The following FAM184B variants were observed in gnomAD, a reference collection of about 807,000 sequenced individuals.
The protein encoded by FAM184B is protein FAM184B.
In FAM184B, 111 loss-of-function variants were observed where a neutral mutation model predicts 135.9. That is an observed-to-expected ratio of 0.82 (90% CI 0.70 to 0.96). The LOEUF (loss-of-function observed/expected upper bound fraction) is 0.96. Ranked by LOEUF, FAM184B falls within the 40% of genes least tolerant of loss-of-function variation. The pLI is 0.00. For synonymous variants in FAM184B, 552 were observed against 524.8 expected (o/e 1.05, Z -0.71); for missense variants, 1,375 against 1,323.9 (o/e 1.04, Z -0.60).
intron 1 of FAM184B, among the ~76,000 whole-genome samples, chr4:17,764,089 A>C (rs1373117525): frequency 6.6e-6 from 1 of 152,162 alleles, no homozygotes; most frequent in Non-Finnish European, 1.5e-5. Flanking sequence ...GCAGCATTCA[A>C]AACTAGACCA....
intron 5 of FAM184B, among the ~76,000 whole-genome samples, chr4:17,702,629 G>A (rs1361526531): frequency 1.3e-5 from 2 of 152,124 alleles, no homozygotes; most frequent in Admixed American, 6.5e-5. Context: ...AATCTGCATG[G>A]CCTAATTTAA....
chr4:17,648,712 G>C (rs1018067231), intron 11 of FAM184B, among the ~76,000 whole-genome samples: 2 of 152,044 alleles, frequency 1.3e-5, no homozygotes, highest in Admixed American at 1.3e-4. Flanking sequence ...GTGGGGTCTT[G>C]GCTGGATCAT....
rs57598505 is a variant in FAM184B, at chr4:17,748,752, A to C, written c.141+32407T>G. 1.4e-3 allele frequency among the ~76,000 whole-genome samples: 209 copies of C among 151,972 alleles called. 2 individuals carry two copies. In the East Asian group the frequency reaches 0.032, roughly 23 times the overall value. On this transcript the variant is annotated intron_variant, in intron 1 of 17. Coordinates refer to ENST00000265018, the MANE Select transcript of FAM184B (RefSeq NM_015688.2). The stretch of plus-strand genomic sequence containing the variant: ...GGCTTGTCTTGAATTCCCTGGCCCA[A>C]GTGATCCTTCTGCCTTGGCCTCCCA...
At chr4:17,641,316 A>G (rs1466944946) in intron 13 of FAM184B, among the ~76,000 whole-genome samples, 1 of 152,098 alleles carries the variant, frequency 6.6e-6, no homozygotes, top group Non-Finnish European at 1.5e-5. Flanking sequence ...CAGCTAATTA[A>G]GAGCGCACAG....
chr4:17,747,870 G>A (rs1341184571), intron 1 of FAM184B, among the ~76,000 whole-genome samples: 1 of 134,238 alleles, frequency 7.4e-6, no homozygotes, highest in Admixed American at 8.3e-5. Context: ...GCAGTGAGCC[G>A]AGATTGCGCC....
intron 1 of FAM184B, among the ~76,000 whole-genome samples, chr4:17,759,205 G>A (rs1394929063): frequency 6.6e-6 from 1 of 152,174 alleles, no homozygotes; most frequent in African/African-American, 2.4e-5. Context: ...TGTCCCCACT[G>A]AAATTGCATG....
chr4:17,755,326 C>T (rs187733824), intron 1 of FAM184B, among the ~76,000 whole-genome samples: 1 of 152,278 alleles, frequency 6.6e-6, no homozygotes, highest in East Asian at 1.9e-4. Flanking sequence ...CATCACTGAT[C>T]ATTAGAGAAA....
intron 12 of FAM184B, among the ~76,000 whole-genome samples, chr4:17,645,523 T>C (rs1471505514): frequency 6.6e-6 from 1 of 152,082 alleles, no homozygotes; most frequent in African/African-American, 2.4e-5. Flanking sequence ...TGGCTAGCCA[T>C]ATGTAGAAAG....
chr4:17,778,953 T>C (rs1443357341), intron 1 of FAM184B, among the ~76,000 whole-genome samples: 4 of 152,140 alleles, frequency 2.6e-5, no homozygotes, highest in Non-Finnish European at 4.4e-5. Flanking sequence ...TATACAAAGT[T>C]CTTTCATGGG....
intron 1 of FAM184B, among the ~76,000 whole-genome samples, chr4:17,735,152 A>G (rs1455862105): frequency 7.0e-6 from 1 of 142,440 alleles, no homozygotes; most frequent in Non-Finnish European, 1.5e-5. Flanking sequence ...GGACACAGGA[A>G]GGGGAACATC....
At chr4:17,685,939 G>A (rs535546340) in intron 7 of FAM184B, among the ~76,000 whole-genome samples, 4 of 152,142 alleles carry the variant, frequency 2.6e-5, no homozygotes, top group African/African-American at 9.7e-5. Context: ...GAATTTCTAT[G>A]TGTTTATTTC....
intron 1 of FAM184B, among the ~76,000 whole-genome samples, chr4:17,716,440 T>C (rs1200867958): frequency 6.6e-6 from 1 of 151,842 alleles, no homozygotes; most frequent in Non-Finnish European, 1.5e-5. Context: ...CCTCCTGGGC[T>C]CAAGTGATCC....
intron 11 of FAM184B, among the ~76,000 whole-genome samples, chr4:17,649,891 T>C (rs202082959): frequency 1.1e-5 from 1 of 90,860 alleles, no homozygotes; most frequent in Admixed American, 1.4e-4. Flanking sequence ...CACCCATCTA[T>C]CTGTCTACCC....
intron 1 of FAM184B, among the ~76,000 whole-genome samples, chr4:17,756,225 C>T (rs1210797181): frequency 6.6e-6 from 1 of 152,090 alleles, no homozygotes; most frequent in Non-Finnish European, 1.5e-5. Flanking sequence ...CAAGATGATC[C>T]TCAAATATCT....
At chr4:17,647,816 G>T in intron 11 of FAM184B, 25 bp from the exon 12 acceptor site, 1 of 1,543,900 alleles carries the variant, frequency 6.5e-7, no homozygotes. Flanking sequence ...GCAGCAGTGA[G>T]TTAGGCGTTG....
At chr4:17,678,043 G>A (rs749537677) in intron 7 of FAM184B, among the ~76,000 whole-genome samples, 1 of 152,150 alleles carries the variant, frequency 6.6e-6, no homozygotes, top group Non-Finnish European at 1.5e-5. Context: ...AGCCATCTAT[G>A]GCAAACTTGC....
chr4:17,699,011 T>C (rs1271381363), intron 5 of FAM184B, among the ~76,000 whole-genome samples: 1 of 152,040 alleles, frequency 6.6e-6, no homozygotes, highest in Non-Finnish European at 1.5e-5. Context: ...TTTATAAATG[T>C]ATTCAATAAT....
At chr4:17,733,015 T>C (rs1717822561) in intron 1 of FAM184B, among the ~76,000 whole-genome samples, 1 of 152,214 alleles carries the variant, frequency 6.6e-6, no homozygotes, top group African/African-American at 2.4e-5. Context: ...ATTCCTGGGA[T>C]GCAAGGCTGG....
intron 10 of FAM184B, among the ~76,000 whole-genome samples, chr4:17,657,091 T>C (rs1190850972): frequency 6.6e-6 from 1 of 152,236 alleles, no homozygotes; most frequent in African/African-American, 2.4e-5. Context: ...ACTATTGAGC[T>C]AAATGAATTA....
Sources: gnomAD v4.1 joint callset for allele counts (sites outside exome capture counted in the v4.1 genomes callset) on GRCh38, gnomAD v4.1.1 for gene constraint, MANE v1.5 for transcripts, NCBI Gene and HGNC (gene_info 2026-07-23, HGNC 2026-07-21) for gene names.